The following LINGO2 variants were observed in gnomAD, a reference collection of about 807,000 sequenced individuals.
LINGO2 encodes the protein leucine rich repeat and Ig domain containing 2, also known as leucine-rich repeat and immunoglobulin-like domain-containing nogo receptor-interacting protein 2.
Under a neutral mutation model 30.6 loss-of-function variants are expected in LINGO2, and 14 were observed. That is an observed-to-expected ratio of 0.46 (90% CI 0.30 to 0.72). The LOEUF (loss-of-function observed/expected upper bound fraction) is 0.72, where lower values mean the gene tolerates loss of function less well. Ranked by LOEUF, LINGO2 falls within the 30% of genes least tolerant of loss-of-function variation. The pLI, the probability that LINGO2 is intolerant of heterozygous loss-of-function variation, is 0.07. For synonymous variants in LINGO2, 317 were observed against 288.5 expected (o/e 1.10, Z -1.00); for missense variants, 729 against 751.7 (o/e 0.97, Z 0.35).
the LINGO2 span, among the ~76,000 whole-genome samples, chr9:28,867,709 CA>C: frequency 6.6e-6 from 1 of 152,020 alleles, no homozygotes; most frequent in South Asian, 2.1e-4. Context: ...TTGAGGCACA[CA>C]AAAAAGTGTA....
At chr9:28,670,536 T>C (rs1273571884), upstream of LINGO2, among the ~76,000 whole-genome samples, 1 of 152,170 alleles carries the variant, frequency 6.6e-6, no homozygotes, top group Non-Finnish European at 1.5e-5. Context: ...CAATAGCATG[T>C]TATTTTACTG....
chr9:29,141,396 A>T, the LINGO2 span, among the ~76,000 whole-genome samples: 36,879 of 151,582 alleles, frequency 0.24, 4,655 homozygotes, highest in East Asian at 0.44. Context: ...GAAACTACAA[A>T]GAAAATACTA....
intron 3 of LINGO2, among the ~76,000 whole-genome samples, chr9:28,306,546 A>C (rs974239920): frequency 3.9e-5 from 6 of 152,116 alleles, no homozygotes; most frequent in African/African-American, 1.4e-4. Context: ...AACACATTCA[A>C]AAGCTAGCAG....
the LINGO2 span, among the ~76,000 whole-genome samples, chr9:29,172,423 C>T: frequency 6.6e-6 from 1 of 151,752 alleles, no homozygotes; most frequent in East Asian, 1.9e-4. Flanking sequence ...TTAATGTATC[C>T]TTTGAATAGT....
chr9:28,379,582 A>G (rs944896988), intron 2 of LINGO2, among the ~76,000 whole-genome samples: 7 of 152,148 alleles, frequency 4.6e-5, no homozygotes, highest in African/African-American at 1.7e-4. Flanking sequence ...GGTTTAGGCA[A>G]GAGTGCAGAG....
the LINGO2 span, among the ~76,000 whole-genome samples, chr9:29,205,080 C>T: frequency 1.3e-5 from 2 of 151,894 alleles, no homozygotes; most frequent in African/African-American, 2.4e-5. Flanking sequence ...TTTTTTCTGT[C>T]GCCAGGCTGG....
chr9:28,096,635 C>G (rs2133290828), intron 4 of LINGO2, among the ~76,000 whole-genome samples: 1 of 152,250 alleles, frequency 6.6e-6, no homozygotes, highest in East Asian at 1.9e-4. Context: ...ACCTACCTAC[C>G]TACTCAGTGC....
intron 4 of LINGO2, among the ~76,000 whole-genome samples, chr9:28,020,722 G>C (rs906309963): frequency 1.3e-5 from 2 of 152,170 alleles, no homozygotes; most frequent in African/African-American, 4.8e-5. Flanking sequence ...ATCTTAAACA[G>C]AGGTAAGCCT....
At chr9:28,742,552 A>T in the LINGO2 span, among the ~76,000 whole-genome samples, 2 of 151,774 alleles carry the variant, frequency 1.3e-5, no homozygotes, top group Non-Finnish European at 2.9e-5. Flanking sequence ...TGAAATGGAG[A>T]AACTCCATTT....
At chr9:28,265,145 T>C (rs905582045) in intron 4 of LINGO2, among the ~76,000 whole-genome samples, 1 of 150,756 alleles carries the variant, frequency 6.6e-6, no homozygotes, top group Non-Finnish European at 1.5e-5. Context: ...AATATCTTCA[T>C]ATATGTGTAT....
chr9:28,023,979 T>C (rs1032371806), intron 4 of LINGO2, among the ~76,000 whole-genome samples: 1 of 152,196 alleles, frequency 6.6e-6, no homozygotes, highest in African/African-American at 2.4e-5. Context: ...TTTTTGCGTC[T>C]CTGGATTCAC....
At chr9:29,028,427 G>GA in the LINGO2 span, among the ~76,000 whole-genome samples, 1 of 123,876 alleles carries the variant, frequency 8.1e-6, no homozygotes. Context: ...TGTGGGGGGG[G>GA]GTGAGAGAGA....
chr9:28,375,973 G>C (rs917165875), intron 2 of LINGO2, among the ~76,000 whole-genome samples: 1 of 152,110 alleles, frequency 6.6e-6, no homozygotes, highest in African/African-American at 2.4e-5. Flanking sequence ...CACTCTCTTT[G>C]CCAGGACAAT....
At chr9:28,816,264 C>G in the LINGO2 span, among the ~76,000 whole-genome samples, 1 of 152,150 alleles carries the variant, frequency 6.6e-6, no homozygotes, top group African/African-American at 2.4e-5. Flanking sequence ...ACATTTAAAC[C>G]ACAGAAATAA....
At chr9:28,155,340 T>G (rs1055721557) in intron 4 of LINGO2, among the ~76,000 whole-genome samples, 1 of 152,230 alleles carries the variant, frequency 6.6e-6, no homozygotes, top group Non-Finnish European at 1.5e-5. Flanking sequence ...AAAGTTATGC[T>G]TAGAAGAAAG....
At chr9:28,736,611 C>T in the LINGO2 span, among the ~76,000 whole-genome samples, 2 of 151,796 alleles carry the variant, frequency 1.3e-5, no homozygotes, top group Non-Finnish European at 2.9e-5. Flanking sequence ...GTCAATATGG[C>T]GAAACCCCAT....
At chr9:29,083,485 G>C in the LINGO2 span, among the ~76,000 whole-genome samples, 1 of 152,122 alleles carries the variant, frequency 6.6e-6, no homozygotes, top group Middle Eastern at 3.4e-3. Flanking sequence ...TAATTTAAAT[G>C]ATGAGTTAAT....
At chr9:28,863,637 G>C in the LINGO2 span, 34 of 532,132 alleles carry the variant, frequency 6.4e-5, no homozygotes, top group South Asian at 4.4e-4. Context: ...GAAGCACTAT[G>C]AATTACTTTG....
intron 2 of LINGO2, among the ~76,000 whole-genome samples, chr9:28,453,529 G>T (rs1824730154): frequency 6.6e-6 from 1 of 151,824 alleles, no homozygotes; most frequent in Admixed American, 6.6e-5. Context: ...CAAAGACAAA[G>T]AAATTTCATG....
Sources: allele counts gnomAD v4.1 joint callset (sites outside exome capture counted in the v4.1 genomes callset), GRCh38; gene constraint gnomAD v4.1.1; transcripts MANE v1.5; gene names NCBI Gene and HGNC (gene_info 2026-07-23, HGNC 2026-07-21).